CHPT1: variants seen among roughly 807,000 people sequenced by gnomAD.
CHPT1 encodes the protein cholinephosphotransferase 1.
CHPT1 carries 36 observed loss-of-function variants against 47.6 expected under a neutral mutation model. That is an observed-to-expected ratio of 0.76 (90% CI 0.58 to 1.00). The LOEUF (loss-of-function observed/expected upper bound fraction) is 1.00. Ranked by LOEUF, CHPT1 falls within the 50% of genes least tolerant of loss-of-function variation. The pLI is 0.00. For missense variants in CHPT1, 458 were observed against 498.1 expected (o/e 0.92, Z 0.77); for synonymous variants, 194 against 186.3 (o/e 1.04, Z -0.33).
chr12:101,708,220 G>A (rs1054805370), intron 1 of CHPT1, among the ~76,000 whole-genome samples: 2 of 152,104 alleles, frequency 1.3e-5, no homozygotes, highest in African/African-American at 4.8e-5. Context: ...ATCCTGTAAT[G>A]AATAGAATCC....
At chr12:101,699,686 G>A (rs1033559151) in intron 1 of CHPT1, among the ~76,000 whole-genome samples, 9 of 152,126 alleles carry the variant, frequency 5.9e-5, no homozygotes, top group African/African-American at 2.2e-4. Flanking sequence ...ACTGCGCCAG[G>A]CTTATTATAT....
At chr12:101,699,074 G>T (rs1951510850) in intron 1 of CHPT1, among the ~76,000 whole-genome samples, 1 of 152,178 alleles carries the variant, frequency 6.6e-6, no homozygotes, top group Admixed American at 6.5e-5. Flanking sequence ...TGCCCTCCAT[G>T]CATGCATCCA....
chr12:101,719,274 C>T (rs2137022482), intron 4 of CHPT1, among the ~76,000 whole-genome samples: 1 of 151,658 alleles, frequency 6.6e-6, no homozygotes, highest in East Asian at 1.9e-4. Context: ...AATTGTTTCA[C>T]TCAATGTTTT....
At chr12:101,721,582 A>T (rs927104263) in intron 5 of CHPT1, among the ~76,000 whole-genome samples, 22 of 152,208 alleles carry the variant, frequency 1.4e-4, no homozygotes, top group African/African-American at 5.3e-4. Flanking sequence ...ATTCATCTAG[A>T]AATATAAGTT....
At chr12:101,721,117 A>G (rs771798846) in intron 5 of CHPT1, among the ~76,000 whole-genome samples, 5 of 152,114 alleles carry the variant, frequency 3.3e-5, no homozygotes, top group Non-Finnish European at 7.4e-5. Flanking sequence ...CCCTGTCGCT[A>G]CCAAAAATAC....
At chr12:101,708,860 G>T (rs1158972099) in intron 1 of CHPT1, among the ~76,000 whole-genome samples, 1 of 148,812 alleles carries the variant, frequency 6.7e-6, no homozygotes, top group African/African-American at 2.4e-5. Flanking sequence ...GCTTCCCAAA[G>T]TGCTGGGATT....
chr12:101,715,269 C>G (rs1260116996), intron 3 of CHPT1, among the ~76,000 whole-genome samples: 1 of 152,150 alleles, frequency 6.6e-6, no homozygotes, highest in African/African-American at 2.4e-5. Flanking sequence ...TCGGTCTGAT[C>G]CTTTTAAGAA....
rs1411775618 is a variant in CHPT1 at position 101,710,778 on chromosome 12, A to T, written c.274-3312A>T. Among the ~76,000 whole-genome samples the T allele has an allele frequency of 2.7e-5, 4 of 148,724 alleles. 1 individual carries two copies. Among genetic ancestry groups the T allele is most frequent in the African/African-American group, 9.7e-5 (4 of 41,132 alleles). ...GGTCAGAATTAAGCTTTCAATGTTG[A>T]CTTTTAGAGTTCTCCTTGAGAAGAT... On this transcript the variant is annotated intron_variant, in intron 1 of 8. Transcript: ENST00000229266.
intron 1 of CHPT1, among the ~76,000 whole-genome samples, chr12:101,708,349 T>A (rs1361677515): frequency 6.6e-6 from 1 of 152,098 alleles, no homozygotes; most frequent in Admixed American, 6.5e-5. Flanking sequence ...TTTTTTTTAA[T>A]GACAAGGGGT....
intron 3 of CHPT1, among the ~76,000 whole-genome samples, chr12:101,715,294 C>T (rs1262266930): frequency 1.3e-5 from 2 of 152,126 alleles, no homozygotes; most frequent in Non-Finnish European, 2.9e-5. Context: ...GTCATTTGCT[C>T]ATTTTGGCTT....
chr12:101,698,276 G>C, intron 1 of CHPT1, 142 bp downstream of exon 1: 3 of 1,230,582 alleles, frequency 2.4e-6, no homozygotes, highest in South Asian at 2.2e-5. Flanking sequence ...CCCGGGCGGT[G>C]TCCGCCCTGG....
chr12:101,726,507 C>T, intron 8 of CHPT1, 103 bp downstream of exon 8: 1 of 1,469,526 alleles, frequency 6.8e-7, no homozygotes, highest in Non-Finnish European at 9.0e-7. Context: ...GGCTAGTATA[C>T]CATCAATAAG....
At chr12:101,721,255 T>G (rs1951846968) in intron 5 of CHPT1, among the ~76,000 whole-genome samples, 1 of 151,890 alleles carries the variant, frequency 6.6e-6, no homozygotes, top group Non-Finnish European at 1.5e-5. Context: ...GCCACTGCAC[T>G]CCAGCCTGGG....
Position 101,697,839 on chromosome 12 carries a change from G to T in CHPT1, c.-23G>T. The T allele has an allele frequency of 5.0e-6, 5 of 997,064 alleles. No individual in the cohort carries two copies. Among genetic ancestry groups the T allele is most frequent in the Non-Finnish European group, 6.1e-6 (5 of 818,036 alleles). The allele number at this position is 997,064 out of a possible 1,614,324, so 61.8% of individuals were successfully genotyped here. On this transcript the variant is annotated 5_prime_UTR_variant, in exon 1 of 9. Coordinates refer to ENST00000229266, the MANE Select transcript of CHPT1 (RefSeq NM_020244.3). ...CCAGGCGCGGGCTGCGCTCGGTGGC[G>T]GCGGCGGGGCCCTCAGGCGGCCATG...
intron 5 of CHPT1, among the ~76,000 whole-genome samples, chr12:101,722,679 C>A (rs1450166327): frequency 7.1e-6 from 1 of 141,264 alleles, no homozygotes; most frequent in Non-Finnish European, 1.5e-5. Context: ...CATGGGGAAA[C>A]CCTGTCTCTA....
intron 7 of CHPT1, among the ~76,000 whole-genome samples, chr12:101,724,834 T>C (rs527687059): frequency 6.6e-6 from 1 of 152,182 alleles, no homozygotes; most frequent in Admixed American, 6.5e-5. Context: ...GAAAAGAAAA[T>C]CAATATTGGT....
At chr12:101,716,874 C>A in intron 4 of CHPT1, 62 bp downstream of exon 4, 1 of 1,008,910 alleles carries the variant, frequency 9.9e-7, no homozygotes, top group Non-Finnish European at 1.4e-6. Flanking sequence ...AAAAGTATTG[C>A]ATTGTTAATT....
chr12:101,727,343 T>C (rs1017451595), intron 8 of CHPT1: 8 of 152,166 alleles, frequency 5.3e-5, no homozygotes, highest in Non-Finnish European at 8.8e-5. Context: ...CTTTCCACTC[T>C]AATTGAAATG....
At chr12:101,713,455 C>CTTTAA (rs1951722121) in intron 1 of CHPT1, among the ~76,000 whole-genome samples, 1 of 152,112 alleles carries the variant, frequency 6.6e-6, no homozygotes, top group African/African-American at 2.4e-5. Flanking sequence ...TTGTGTTTCT[C>CTTTAA]TTAAACACAG....
Sources: gnomAD v4.1 joint callset for allele counts (sites outside exome capture counted in the v4.1 genomes callset) on GRCh38, gnomAD v4.1.1 for gene constraint, MANE v1.5 for transcripts, NCBI Gene and HGNC (gene_info 2026-07-23, HGNC 2026-07-21) for gene names.